Variants in MMP28 observed in about 807,000 individuals in gnomAD.
MMP28 encodes the protein matrix metalloproteinase-28.
MMP28 carries 55 observed loss-of-function variants against 60.5 expected under a neutral mutation model. That is an observed-to-expected ratio of 0.91 (90% confidence interval 0.73 to 1.14). MMP28 has a LOEUF of 1.14. MMP28 is among the 50% of genes most tolerant of loss of function. The pLI, the probability that MMP28 is intolerant of heterozygous loss-of-function variation, is 0.00. For missense variants in MMP28, 686 were observed against 738.3 expected (o/e 0.93, Z 0.82); for synonymous variants, 318 against 312.5 (o/e 1.02, Z -0.18).
chr17:35,771,204 G>A (rs1449393663), intron 4 of MMP28, among the ~76,000 whole-genome samples: 2 of 152,118 alleles, frequency 1.3e-5, no homozygotes, highest in African/African-American at 4.8e-5. Context: ...AGGCCGAGGC[G>A]GGTGGATCAC....
chr17:35,766,261 T>A lies in MMP28; in HGVS notation c.*239A>T. ...CCTCGGAGGAAAGGGCCAAGGGATC[T>A]GGGACCCTTTTTTGCTTTTCCTAAG... On this transcript the variant is annotated 3_prime_UTR_variant, in exon 8 of 8. Coordinates refer to ENST00000605424, the MANE Select transcript of MMP28 (RefSeq NM_024302.5). The surrounding 1 kb of genome is among the most constrained non-coding windows in gnomAD (Gnocchi z 4.3). 47 of 1,310,342 alleles carry A rather than the reference T, an allele frequency of 3.6e-5. No homozygotes were observed. The highest frequency in any genetic ancestry group is 4.5e-5 in the Non-Finnish European group (46 of 1,030,718). 81.2% of individuals were successfully genotyped at this position (1,310,342 alleles called of 1,614,324 possible).
chr17:35,779,102 G>T, intron 2 of MMP28, 27 bp from the exon 3 acceptor site: 1 of 1,608,340 alleles, frequency 6.2e-7, no homozygotes. Context: ...ACCGCAAGGG[G>T]AGGGTGAGTG....
intron 4 of MMP28, among the ~76,000 whole-genome samples, chr17:35,771,430 CA>C (rs548706247): frequency 0.014 from 665 of 47,352 alleles, 4 homozygotes; most frequent in African/African-American, 0.027. Context: ...GACTCTGTCT[CA>C]AAAAAAAAAA....
chr17:35,787,319 T>C (rs1038791566), intron 1 of MMP28, among the ~76,000 whole-genome samples: 1 of 152,240 alleles, frequency 6.6e-6, no homozygotes, highest in Non-Finnish European at 1.5e-5. Context: ...AAACATCTGC[T>C]ACCAGAATGC....
intron 1 of MMP28, among the ~76,000 whole-genome samples, chr17:35,783,195 T>C (rs2086556274): frequency 6.6e-6 from 1 of 152,232 alleles, no homozygotes; most frequent in African/African-American, 2.4e-5. Flanking sequence ...ATAAGTTCAA[T>C]TTATTCTTGA....
downstream of MMP28, chr17:35,760,923 G>A: frequency 6.2e-7 from 1 of 1,613,740 alleles, no homozygotes; most frequent in Non-Finnish European, 8.5e-7. Flanking sequence ...AGGGAAAGCA[G>A]GGCACAGCCT....
Position 35,767,874 on chromosome 17 carries a change from T to A in MMP28, c.1046A>T (p.Glu349Val), listed in dbSNP as rs761151588. The A allele has an allele frequency of 1.9e-5, 31 of 1,608,612 alleles. No homozygotes were observed. Among genetic ancestry groups the A allele is most frequent in the South Asian group, 1.8e-4 (16 of 90,548 alleles). Residue 349 changes from glutamate to valine, a missense_variant, in exon 7 of 8, where the codon GAG becomes GTG. Glu to Val is a moderately radical substitution (Grantham distance 121). Transcript: ENST00000605424. ...LYIFKGSHFW[E>V]VAADGNVSEP... ...TGAGACGTTGCCATCAGCTGCCACC[T>A]CCCAGAAATGGCTCCCTTTAAAAAT...
chr17:35,761,735 A>G (rs1249914073), downstream of MMP28, among the ~76,000 whole-genome samples: 1 of 152,164 alleles, frequency 6.6e-6, no homozygotes, highest in Non-Finnish European at 1.5e-5. Context: ...ACGTCCCTCT[A>G]CAAGAATGTT....
At chr17:35,771,753 AT>A (rs1329675816) in intron 4 of MMP28, among the ~76,000 whole-genome samples, 4 of 90,594 alleles carry the variant, frequency 4.4e-5, no homozygotes, top group Non-Finnish European at 6.3e-5. Context: ...ATATATATAT[AT>A]AAAATTGTGT....
Position 35,779,001 on chromosome 17 carries a change from G to A in MMP28, c.266C>T (p.Pro89Leu), listed in dbSNP as rs1568173515. ...GTTGGTATCTGTAACCCCGCAGCGG[G>A]GACGAGTCATCTGGCGCAGGGTGGC... ...DRATLRQMTR[P>L]RCGVTDTNSY... The change falls in exon 3 of 8, where the codon CCC becomes CTC. Residue 89 changes from proline to leucine, a missense_variant. Transcript: ENST00000605424. 1 of 1,614,064 alleles carries A rather than the reference G, an allele frequency of 6.2e-7. No individual in the cohort carries two copies. The highest frequency in any genetic ancestry group is 1.7e-5 in the Admixed American group (1 of 60,028).
At chr17:35,771,676 T>TATAC (rs1179212244) in intron 4 of MMP28, among the ~76,000 whole-genome samples, 116 of 121,580 alleles carry the variant, frequency 9.5e-4, no homozygotes, top group Non-Finnish European at 1.4e-3. Flanking sequence ...TTAAAGAAAA[T>TATAC]ATACATACAT....
chr17:35,765,394 A>G (rs377654821), downstream of MMP28, among the ~76,000 whole-genome samples: 42 of 152,316 alleles, frequency 2.8e-4, no homozygotes, highest in African/African-American at 1.0e-3. Flanking sequence ...GAAGCCTGGA[A>G]AACCAGATGC....
intron 1 of MMP28, among the ~76,000 whole-genome samples, chr17:35,786,300 T>C (rs1018694683): frequency 2.6e-5 from 4 of 151,660 alleles, no homozygotes; most frequent in Non-Finnish European, 5.9e-5. Context: ...TCAGGTGATC[T>C]GCCCACCTTG....
intron 3 of MMP28, chr17:35,778,594 C>T (rs1439923535): frequency 1.4e-5 from 7 of 510,696 alleles, no homozygotes; most frequent in Non-Finnish European, 2.3e-5. Context: ...AAAATGTTAG[C>T]AACAGTTTAT....
intron 5 of MMP28, 71 bp from the exon 6 acceptor site, chr17:35,768,450 C>G: frequency 7.9e-7 from 1 of 1,261,096 alleles, no homozygotes; most frequent in South Asian, 1.7e-5. Context: ...CACTCAAGAC[C>G]TTCCCTTGGT....
In MMP28 at chr17:35,767,934, G is replaced by C; in HGVS notation, c.1001-15C>G. The C allele has an allele frequency of 6.4e-6, 10 of 1,562,312 alleles. No homozygotes were observed. The highest frequency in any genetic ancestry group is 6.9e-6 in the Non-Finnish European group (8 of 1,154,816). On this transcript the variant is annotated splice_polypyrimidine_tract_variant and intron_variant, in intron 6 of 7. Transcript: ENST00000605424. The stretch of plus-strand genomic sequence containing the variant: ...CTGTTGCCTGTCTGCCCAGAGACAA[G>C]AGAGAGTTGAGGAGTGACCATCAGC...
downstream of MMP28, among the ~76,000 whole-genome samples, chr17:35,765,636 G>GC (rs1383252378): frequency 7.2e-5 from 11 of 152,220 alleles, no homozygotes; most frequent in Non-Finnish European, 1.3e-4. Flanking sequence ...CCCCAGGAAG[G>GC]CCCCTTGACC....
chr17:35,772,151 G>T (rs1457376622), intron 4 of MMP28, among the ~76,000 whole-genome samples: 1 of 152,182 alleles, frequency 6.6e-6, no homozygotes, highest in African/African-American at 2.4e-5. Flanking sequence ...TATGTCTCCA[G>T]CTGTTTCAAG....
At chr17:35,789,138 A>G (rs1224027323) in intron 1 of MMP28, among the ~76,000 whole-genome samples, 2 of 152,214 alleles carry the variant, frequency 1.3e-5, no homozygotes, top group Non-Finnish European at 2.9e-5. Context: ...CAGAGGGGAC[A>G]CAGAGCCATG....
Sources: gnomAD v4.1 joint callset for allele counts (sites outside exome capture counted in the v4.1 genomes callset) on GRCh38, gnomAD v4.1.1 for gene constraint, Gnocchi (gnomAD v3.1) non-coding constraint, MANE v1.5 for transcripts, NCBI Gene and HGNC (gene_info 2026-07-23, HGNC 2026-07-21) for gene names.